Variants in AHNAK observed in about 807,000 individuals in gnomAD.
AHNAK encodes neuroblast differentiation-associated protein AHNAK.
A neutral mutation model predicts 37.8 loss-of-function variants in AHNAK; 23 were observed. The ratio of observed to expected loss-of-function variants is 0.61; its 90% CI spans 0.44 to 0.86. The LOEUF (loss-of-function observed/expected upper bound fraction) is 0.86. AHNAK is among the 40% of genes least tolerant of loss of function. The probability of loss-of-function intolerance (pLI) is 0.00; values close to 1 mark genes in which losing one functional copy is unlikely to be tolerated. For synonymous variants in AHNAK, 2,481 were observed against 2,636.3 expected (o/e 0.94, Z 1.80); for missense variants, 7,411 against 7,319.4 (o/e 1.01, Z -0.46).
rs777477987 is a variant in AHNAK, at chr11:62,536,005, C to G, written c.94G>C (p.Val32Leu). Reference protein sequence around the residue: ...GLTIAQRDDGVFVQEVTQNSP... With the variant: ...GLTIAQRDDGLFVQEVTQNSP... ...TTCTGCGTCACCTCCTGCACAAAGA[C>G]GCCGTCGTCCCTCTGGGCGATGGTC... The change falls in exon 3 of 5, where the codon GTC (valine) becomes CTC (leucine). Residue 32 changes from valine (V) to leucine (L), a missense_variant. Transcript: ENST00000378024. The G allele has an allele frequency of 1.9e-6, 3 of 1,612,902 alleles. No homozygotes were observed. The South Asian group carries it at 3.3e-5, about 18-fold the overall frequency.
At chr11:62,448,940 C>T (rs531237418) in intron 5 of AHNAK, among the ~76,000 whole-genome samples, 4 of 152,006 alleles carry the variant, frequency 2.6e-5, no homozygotes, top group Non-Finnish European at 5.9e-5. Context: ...TGGTGGTGGG[C>T]ACATGTAGTC....
At position 62,522,083 on chromosome 11, in the gene AHNAK, G is replaced by C. The variant is rs138474498; in HGVS notation, c.12334C>G (p.Leu4112Val). 6.2e-5 allele frequency: 100 copies of C among 1,613,602 alleles called. No homozygotes were observed. The highest frequency in any genetic ancestry group is 1.6e-4 in the Middle Eastern group (1 of 6,082). The part of the protein sequence containing the change: ...DIDIHGPEGK[L>V]KGPKFKMPDL... ...GGCATTTTAAATTTGGGGCCCTTCA[G>C]TTTCCCTTCTGGACCATGAATATCA... Residue 4112 changes from leucine to valine, a missense_variant, in exon 5 of 5, where the codon CTG becomes GTG. Transcript: ENST00000378024.
intron 4 of AHNAK, among the ~76,000 whole-genome samples, chr11:62,498,029 T>A (rs1398348271): frequency 1.3e-5 from 2 of 151,940 alleles, no homozygotes. Flanking sequence ...TTGTCAAATA[T>A]GCAATATATC....
intron 3 of AHNAK, 136 bp downstream of exon 3, chr11:62,535,809 C>T (rs1940925188): frequency 1.6e-6 from 2 of 1,219,944 alleles, no homozygotes; most frequent in Non-Finnish European, 2.2e-6. Flanking sequence ...GGCTTGGGTA[C>T]CAACCACCCT....
rs940067852 is a variant in AHNAK at position 62,469,105 on chromosome 11, C to T, written c.442+22627G>A. ...TTGGTGTGAGCCACTTAGCCCGGCC[C>T]AATTGGGATCTCCTGATTTCCTTTT... On this transcript the variant is annotated intron_variant, in intron 5 of 5. Coordinates refer to the AHNAK transcript ENST00000257247. Among the ~76,000 whole-genome samples the T allele has an allele frequency of 2.0e-5, 3 of 152,174 alleles. No homozygotes were observed. In the East Asian group the frequency reaches 5.8e-4, roughly 29 times the overall value.
At chr11:62,499,918 CT>C in intron 4 of AHNAK, among the ~76,000 whole-genome samples, 1 of 152,344 alleles carries the variant, frequency 6.6e-6, no homozygotes, top group South Asian at 2.1e-4. Flanking sequence ...CTCAGCCAAG[CT>C]TTTCTGTGCT....
At chr11:62,443,333 T>C (rs1309679680) in intron 5 of AHNAK, among the ~76,000 whole-genome samples, 1 of 138,266 alleles carries the variant, frequency 7.2e-6, no homozygotes, top group East Asian at 2.3e-4. Context: ...AGTGCAATGG[T>C]GCGATCTCAG....
intron 5 of AHNAK, among the ~76,000 whole-genome samples, chr11:62,481,643 T>TCTTGGCTCACTGCAAGCTCCG (rs68109471): frequency 0.74 from 112,096 of 150,908 alleles, 47,669 homozygotes; most frequent in Non-Finnish European, 0.94. Flanking sequence ...AGTGACACGA[T>TCTTGGCTCACTGCAAGCTCCG]CTTGGCTCAC....
intron 4 of AHNAK, among the ~76,000 whole-genome samples, chr11:62,534,614 C>T (rs1940883113): frequency 6.6e-6 from 1 of 152,206 alleles, no homozygotes; most frequent in Non-Finnish European, 1.5e-5. Context: ...TGCTGCCCAG[C>T]GTCTGACCCA....
intron 5 of AHNAK, among the ~76,000 whole-genome samples, chr11:62,469,350 G>C (rs1938980978): frequency 6.6e-6 from 1 of 152,124 alleles, no homozygotes; most frequent in Non-Finnish European, 1.5e-5. Flanking sequence ...TTGAATTCCT[G>C]TCCTCAAGTG....
chr11:62,517,124 T>C lies in AHNAK; in HGVS notation c.17293A>G (p.Lys5765Glu), dbSNP rs748897212. 1.9e-6 allele frequency: 3 copies of C among 1,613,130 alleles called. No homozygotes were observed. Among genetic ancestry groups the C allele is most frequent in the South Asian group, 1.1e-5 (1 of 91,024 alleles). ...CTTTTAAATAAGGAGAATTTGCCTT[T>C]CGGTGAAGAGGCTTCGGCCTCTGCC... is the stretch of plus-strand genomic sequence containing the variant. ...GEAEAEASSP[K>E]GKFSLFKSKK... is the part of the protein sequence containing the mutation. The change falls in exon 5 of 5, where the codon AAA becomes GAA. Residue 5765 changes from lysine to glutamate, a missense_variant. Physicochemically the swap from Lys to Glu is moderately conservative, Grantham distance 56. Transcript: ENST00000378024.
chr11:62,456,145 C>T (rs891455471), intron 5 of AHNAK, among the ~76,000 whole-genome samples: 2 of 152,122 alleles, frequency 1.3e-5, no homozygotes, highest in African/African-American at 2.4e-5. Flanking sequence ...ATCTGCAAGC[C>T]GAGAGAGGCC....
intron 5 of AHNAK, among the ~76,000 whole-genome samples, chr11:62,451,303 C>T (rs1480878373): frequency 6.6e-6 from 1 of 150,974 alleles, no homozygotes; most frequent in Non-Finnish European, 1.5e-5. Context: ...GCTTCCCATC[C>T]AGGACCCTCC....
Position 62,515,940 on chromosome 11 carries a change from T to A in AHNAK, c.*804A>T. 1 of 1,173,634 alleles carries A rather than the reference T, an allele frequency of 8.5e-7. No homozygotes were observed. Among genetic ancestry groups the A allele is most frequent in the African/African-American group, 1.6e-5 (1 of 62,478 alleles). 72.7% of individuals were successfully genotyped at this position (1,173,634 alleles called of 1,614,324 possible). ...ACAGCTTTATTTGCCTTGTACAGCATCAATTTTCTTACATTCTCAGTTAAT... is the reference window on the plus strand; with the variant it reads ...ACAGCTTTATTTGCCTTGTACAGCAACAATTTTCTTACATTCTCAGTTAAT... On this transcript the variant is annotated 3_prime_UTR_variant, in exon 5 of 5. Transcript: ENST00000378024.
At chr11:62,541,417 G>C (rs1479460870) in intron 1 of AHNAK, among the ~76,000 whole-genome samples, 2 of 152,140 alleles carry the variant, frequency 1.3e-5, no homozygotes, top group South Asian at 2.1e-4. Flanking sequence ...CTCATCCCAG[G>C]AACAAAATGA....
At chr11:62,433,729 G>T in exon 6 of AHNAK, 1 of 977,304 alleles carries the variant, frequency 1.0e-6, no homozygotes, top group Non-Finnish European at 1.6e-6. Context: ...AAACATGCAT[G>T]CTCCGAAAAG....
chr11:62,449,584 G>C (rs1004311628), intron 5 of AHNAK, among the ~76,000 whole-genome samples: 6 of 152,138 alleles, frequency 3.9e-5, no homozygotes, highest in Non-Finnish European at 8.8e-5. Flanking sequence ...CTTCACCCTA[G>C]TCTGATGAAA....
rs1940834796 is a variant in AHNAK, at chr11:62,533,470, A to G, written c.947T>C (p.Val316Ala). Residue 316 changes from valine (V) to alanine (A), a missense_variant, in exon 5 of 5, where the codon GTC becomes GCC. Physicochemically the swap from Val to Ala is moderately conservative, Grantham distance 64. Coordinates refer to ENST00000378024, the MANE Select transcript of AHNAK (RefSeq NM_001620.3). ...TGTCTGGCCCTCACGCCCTGTTGAGACACCAAATTTCGGCACTTTCATGGT... is the reference window on the plus strand; with the variant it reads ...TGTCTGGCCCTCACGCCCTGTTGAGGCACCAAATTTCGGCACTTTCATGGT... ...FPTMKVPKFG[V>A]STGREGQTPK... 1 of 1,613,996 alleles carries G rather than the reference A, an allele frequency of 6.2e-7. No individual in the cohort carries two copies. The highest frequency in any genetic ancestry group is 8.5e-7 in the Non-Finnish European group (1 of 1,180,026).
intron 4 of AHNAK, among the ~76,000 whole-genome samples, chr11:62,494,445 G>A (rs1039526549): frequency 6.6e-6 from 1 of 152,072 alleles, no homozygotes; most frequent in East Asian, 1.9e-4. Context: ...CATGCCAAAC[G>A]ATTTTTACCC....
Sources: gnomAD v4.1 joint callset for allele counts (sites outside exome capture counted in the v4.1 genomes callset) on GRCh38, gnomAD v4.1.1 for gene constraint, MANE v1.5 for transcripts, NCBI Gene and HGNC (gene_info 2026-07-23, HGNC 2026-07-21) for gene names.